Variants in IARS2 observed in about 807,000 individuals in gnomAD.
IARS2 encodes isoleucyl-tRNA synthetase 2, mitochondrial.
A neutral mutation model predicts 126.3 loss-of-function variants in IARS2; 56 were observed. The ratio of observed to expected loss-of-function variants is 0.44; its 90% CI spans 0.36 to 0.55. The LOEUF (loss-of-function observed/expected upper bound fraction) is 0.55. IARS2 is among the 20% of genes least tolerant of loss of function. The pLI is 0.00. For synonymous variants in IARS2, 407 were observed against 441.1 expected (o/e 0.92, Z 0.97); for missense variants, 1,127 against 1,245.9 (o/e 0.90, Z 1.44).
intron 19 of IARS2, among the ~76,000 whole-genome samples, chr1:220,141,435 G>A (rs900983137): frequency 9.9e-5 from 15 of 152,158 alleles, no homozygotes; most frequent in Non-Finnish European, 1.8e-4. Context: ...GCACCCCAAG[G>A]ACCTTGCACA....
rs763253295 is a variant in IARS2 at position 220,094,186 on chromosome 1, G to T, written c.-31G>T. The T allele has an allele frequency of 1.5e-5, 23 of 1,517,908 alleles. No homozygotes were observed. Among genetic ancestry groups the T allele is most frequent in the East Asian group, 2.3e-5 (1 of 42,732 alleles). 94.0% of individuals were successfully genotyped at this position (1,517,908 alleles called of 1,614,324 possible). ...TGCCCCTTCAAGCTGGGGCGGGAGCGGAGGACCCCGCTCTCAGGGGTTGCC... is the reference window on the plus strand; with the variant it reads ...TGCCCCTTCAAGCTGGGGCGGGAGCTGAGGACCCCGCTCTCAGGGGTTGCC... On this transcript the variant is annotated 5_prime_UTR_variant, in exon 1 of 23. Transcript: ENST00000366922.
intron 11 of IARS2, among the ~76,000 whole-genome samples, chr1:220,113,002 A>G (rs868245499): frequency 8.5e-5 from 13 of 152,230 alleles, no homozygotes; most frequent in Middle Eastern, 6.8e-3. Flanking sequence ...AGCTGGAATT[A>G]TAGGCATGCA....
At chr1:220,114,574 TAAATA>T in intron 12 of IARS2, 100 bp downstream of exon 12, 1 of 828,478 alleles carries the variant, frequency 1.2e-6, no homozygotes, top group Non-Finnish European at 1.9e-6. Flanking sequence ...TTATATATGT[TAAATA>T]AAATATGCTA....
intron 12 of IARS2, among the ~76,000 whole-genome samples, chr1:220,123,484 T>C (rs1331273800): frequency 6.6e-6 from 1 of 151,962 alleles, no homozygotes; most frequent in Non-Finnish European, 1.5e-5. Flanking sequence ...TTATTTATTA[T>C]TTTTTTTGAG....
chr1:220,127,356 T>A (rs1657175054), intron 14 of IARS2, among the ~76,000 whole-genome samples: 1 of 152,238 alleles, frequency 6.6e-6, no homozygotes, highest in Non-Finnish European at 1.5e-5. Flanking sequence ...AACAGCTGAC[T>A]AACTTTATAC....
intron 7 of IARS2, 101 bp downstream of exon 7, chr1:220,102,878 T>G (rs1656606351): frequency 1.4e-6 from 1 of 726,636 alleles, no homozygotes; most frequent in South Asian, 1.7e-5. Context: ...ATTGTAAAAT[T>G]TAATGAATTA....
In IARS2 at chr1:220,106,039, G is replaced by T. The variant is rs138462058; in HGVS notation, c.1215G>T (p.Ala405=). 6.8e-6 allele frequency: 11 copies of T among 1,613,404 alleles called. No individual in the cohort carries two copies. The highest frequency in any genetic ancestry group is 4.2e-6 in the Non-Finnish European group (5 of 1,179,702). ...PAHGMEDYGV[A]SQHNLPMDCL... ...ATGGTATGGAAGACTACGGTGTAGC[G>T]TCTCAGCACAACCTGCCCATGGTAC... is the stretch of plus-strand genomic sequence containing the variant. Residue 405 remains alanine, a synonymous_variant, in exon 9 of 23, where the codon GCG becomes GCT. Transcript: ENST00000366922.
At chr1:220,094,807 A>G (rs1387957920) in intron 1 of IARS2, among the ~76,000 whole-genome samples, 1 of 152,124 alleles carries the variant, frequency 6.6e-6, no homozygotes, top group South Asian at 2.1e-4. Flanking sequence ...CACTTTTCCA[A>G]TGCCTTGTAA....
At chr1:220,124,422 G>T (rs1311991607) in intron 12 of IARS2, among the ~76,000 whole-genome samples, 1 of 152,136 alleles carries the variant, frequency 6.6e-6, no homozygotes, top group Non-Finnish European at 1.5e-5. Context: ...TGAGGGAAGT[G>T]TCTAGGATTA....
intron 11 of IARS2, 56 bp from the exon 12 acceptor site, chr1:220,114,258 T>A: frequency 8.7e-6 from 13 of 1,492,820 alleles, no homozygotes; most frequent in Non-Finnish European, 1.1e-5. Context: ...AATTGACTGT[T>A]CTAGAATACT....
In IARS2 at chr1:220,100,474, CA is replaced by C; in HGVS notation, c.391-15del. Reference sequence around the variant, plus strand: ...TATTTTATGTATGAATGATAATTATCATTTTATCTTTGCAGATTTTGAAAGA... The same window carrying C: ...TATTTTATGTATGAATGATAATTATCTTTTATCTTTGCAGATTTTGAAAGA... On this transcript the variant is annotated splice_polypyrimidine_tract_variant and intron_variant, in intron 2 of 22. Transcript: ENST00000366922. 6.3e-7 allele frequency: 1 copy of C among 1,577,622 alleles called. No homozygotes were observed. Among genetic ancestry groups the C allele is most frequent in the Admixed American group, 1.8e-5 (1 of 56,114 alleles).
intron 3 of IARS2, 97 bp from the exon 4 acceptor site, chr1:220,102,032 G>GCA: frequency 8.4e-7 from 1 of 1,195,166 alleles, no homozygotes; most frequent in Middle Eastern, 2.7e-4. Flanking sequence ...ATTCTAAACT[G>GCA]TCTGTAGCAT....
In IARS2 at chr1:220,143,049, T is replaced by G; in HGVS notation, c.2666T>G (p.Phe889Cys). 2 of 1,614,180 alleles carry G rather than the reference T, an allele frequency of 1.2e-6. No individual in the cohort carries two copies. The highest frequency in any genetic ancestry group is 1.7e-6 in the Non-Finnish European group (2 of 1,180,002). The change falls in exon 21 of 23, where the codon TTT becomes TGT. Residue 889 changes from phenylalanine (F) to cysteine (C), a missense_variant. By Grantham distance (205) the Phe-to-Cys change is radical. Coordinates refer to ENST00000366922, the MANE Select transcript of IARS2 (RefSeq NM_018060.4). ...AGTGCGTGTGCAATGCGAGACTCAT[T>G]TCTTGGAAGCATCCCTGGCAAAAAT... ...VESACAMRDS[F>C]LGSIPGKNAA...
chr1:220,097,494 G>A (rs577365135), intron 2 of IARS2, among the ~76,000 whole-genome samples: 1 of 151,390 alleles, frequency 6.6e-6, no homozygotes, highest in African/African-American at 2.4e-5. Context: ...CTCCCAAGTA[G>A]ATGGGACTAC....
chr1:220,096,875 T>C (rs1656454755), intron 2 of IARS2, among the ~76,000 whole-genome samples: 1 of 151,908 alleles, frequency 6.6e-6, no homozygotes, highest in Admixed American at 6.6e-5. Flanking sequence ...TGAAACCCCG[T>C]CTCTACTAAA....
At chr1:220,127,925 C>T (rs570970884) in intron 14 of IARS2, among the ~76,000 whole-genome samples, 5 of 152,046 alleles carry the variant, frequency 3.3e-5, no homozygotes, top group Non-Finnish European at 7.4e-5. Flanking sequence ...CCAGCATATT[C>T]GAGAGAAAAT....
chr1:220,106,001 A>G lies in IARS2; in HGVS notation c.1177A>G (p.Thr393Ala), dbSNP rs1244443535. Reference protein sequence around the residue: ...TMAKGTGLVHTAPAHGMEDYG... With the variant: ...TMAKGTGLVHAAPAHGMEDYG... ...GGCAAAAGGAACGGGATTGGTTCAC[A>G]CAGCCCCAGCTCATGGTATGGAAGA... Residue 393 changes from threonine to alanine, a missense_variant, in exon 9 of 23, where the codon ACA becomes GCA. Coordinates refer to ENST00000366922, the MANE Select transcript of IARS2 (RefSeq NM_018060.4). The G allele has an allele frequency of 2.5e-6, 4 of 1,614,176 alleles. No individual in the cohort carries two copies. The highest frequency in any genetic ancestry group is 2.2e-5 in the East Asian group (1 of 44,874).
intron 13 of IARS2, 50 bp downstream of exon 13, chr1:220,125,389 A>G (rs1484672979): frequency 1.2e-5 from 13 of 1,097,248 alleles, no homozygotes; most frequent in Non-Finnish European, 1.8e-5. Flanking sequence ...ACAGGACTTA[A>G]TGACAACATG....
intron 3 of IARS2, 120 bp downstream of exon 3, chr1:220,100,769 T>C (rs1656555249): frequency 5.0e-6 from 3 of 598,052 alleles, no homozygotes; most frequent in East Asian, 3.2e-5. Context: ...ATAAGATCTA[T>C]TGGAAACGCC....
Sources: gnomAD v4.1 joint callset for allele counts (sites outside exome capture counted in the v4.1 genomes callset) on GRCh38, gnomAD v4.1.1 for gene constraint, MANE v1.5 for transcripts, NCBI Gene and HGNC (gene_info 2026-07-23, HGNC 2026-07-21) for gene names.